The following B3GALNT2 variants were observed in gnomAD, a reference collection of about 807,000 sequenced individuals.
B3GALNT2 encodes beta-1,3-N-acetylgalactosaminyltransferase 2.
B3GALNT2 carries 53 observed loss-of-function variants against 61.1 expected under a neutral mutation model. The observed-to-expected ratio is 0.87, with a 90% CI of 0.70 to 1.09. B3GALNT2 has a LOEUF of 1.09. Ranked by LOEUF, B3GALNT2 falls within the 50% of genes least tolerant of loss-of-function variation. The pLI, the probability that B3GALNT2 is intolerant of heterozygous loss-of-function variation, is 0.00. For missense variants in B3GALNT2, 544 were observed against 623.0 expected (o/e 0.87, Z 1.35); for synonymous variants, 223 against 237.4 (o/e 0.94, Z 0.56).
chr1:235,489,180 T>A lies in B3GALNT2; in HGVS notation c.349A>T (p.Ile117Phe), dbSNP rs1293764635. 1.2e-6 allele frequency: 2 copies of A among 1,613,662 alleles called. No homozygotes were observed. The highest frequency in any genetic ancestry group is 1.3e-5 in the African/African-American group (1 of 74,930). ...AAAGATGACTTACCTGGATTTGTGA[T>A]GTTGAGTAGTTTACAGGAATAAGGA... ...EDPYSCKLLNITNPVLNQEIE... is the reference protein window; with the variant it reads ...EDPYSCKLLNFTNPVLNQEIE... Residue 117 changes from isoleucine (I) to phenylalanine (F), a missense_variant, in exon 3 of 12, where the codon ATC (isoleucine) becomes TTC (phenylalanine). Physicochemically the swap from Ile to Phe is conservative, Grantham distance 21. Transcript: ENST00000366600.
At chr1:235,446,988 G>C (rs1682382233), downstream of B3GALNT2, among the ~76,000 whole-genome samples, 1 of 152,076 alleles carries the variant, frequency 6.6e-6, no homozygotes. Context: ...TATTAGAACT[G>C]TTTTATGACC....
intron 1 of B3GALNT2, among the ~76,000 whole-genome samples, chr1:235,495,895 T>C (rs1279496497): frequency 1.1e-4 from 16 of 152,210 alleles, no homozygotes; most frequent in Admixed American, 1.0e-3. Context: ...CAGGTTGATA[T>C]TTTCTTCAAA....
intron 3 of B3GALNT2, among the ~76,000 whole-genome samples, chr1:235,487,301 A>G (rs1351412542): frequency 6.6e-6 from 1 of 152,210 alleles, no homozygotes; most frequent in African/African-American, 2.4e-5. Context: ...TGTAATACAG[A>G]CCTGAATATA....
chr1:235,498,128 A>G (rs1383935446), intron 1 of B3GALNT2, among the ~76,000 whole-genome samples: 1 of 152,224 alleles, frequency 6.6e-6, no homozygotes, highest in Non-Finnish European at 1.5e-5. Flanking sequence ...AATTAGTCCA[A>G]TAGACTCCTG....
At chr1:235,461,805 T>C (rs1288194810) in intron 7 of B3GALNT2, among the ~76,000 whole-genome samples, 1 of 152,122 alleles carries the variant, frequency 6.6e-6, no homozygotes, top group Non-Finnish European at 1.5e-5. Context: ...ATTGAGCTAC[T>C]GCACCTGGCC....
At position 235,484,318 on chromosome 1, in the gene B3GALNT2, A is replaced by G. The variant is rs1343215512; in HGVS notation, c.555+4T>C. 6.2e-7 allele frequency: 1 copy of G among 1,613,146 alleles called. No homozygotes were observed. Among genetic ancestry groups the G allele is most frequent in the East Asian group, 2.2e-5 (1 of 44,874 alleles). On this transcript the variant is annotated splice_donor_region_variant and intron_variant, in intron 4 of 11. Transcript: ENST00000366600. ...AGAAAAAACCTGTACAGAGCAGTGC[A>G]TACCTCTTGTTCTGCCTGATAAAGT...
At chr1:235,456,835 C>T (rs1387229041) in intron 8 of B3GALNT2, among the ~76,000 whole-genome samples, 3 of 152,112 alleles carry the variant, frequency 2.0e-5, no homozygotes, top group African/African-American at 7.2e-5. Context: ...GACTTCCATG[C>T]CCATTCCTCA....
At chr1:235,470,365 C>A (rs551245681) in intron 6 of B3GALNT2, among the ~76,000 whole-genome samples, 1 of 151,852 alleles carries the variant, frequency 6.6e-6, no homozygotes, top group African/African-American at 2.4e-5. Context: ...CGTAGGTGGG[C>A]GGATCACTTG....
In B3GALNT2 at chr1:235,450,181, TAG is replaced by T. The variant is rs1199667193; in HGVS notation, c.*23_*24del. Reference sequence around the variant, plus strand: ...GATTATCGTTTGCCTGCCCTGATTTTAGACTCTGCTAATTCAAGTCCCTGTTA... The same window carrying T: ...GATTATCGTTTGCCTGCCCTGATTTTACTCTGCTAATTCAAGTCCCTGTTA... On this transcript the variant is annotated 3_prime_UTR_variant, in exon 12 of 12. Transcript: ENST00000366600. 31 of 1,613,764 alleles carry T rather than the reference TAG, an allele frequency of 1.9e-5. No homozygotes were observed. The highest frequency in any genetic ancestry group is 2.5e-5 in the Non-Finnish European group (30 of 1,179,800).
chr1:235,474,987 A>ATATATATTTTTTT (rs1180244284), intron 5 of B3GALNT2, among the ~76,000 whole-genome samples: 2 of 35,572 alleles, frequency 5.6e-5, no homozygotes, highest in African/African-American at 1.1e-4. Flanking sequence ...ATATATATAT[A>ATATATATTTTTTT]TTTTTTTTTT....
In B3GALNT2 at chr1:235,449,294, A is replaced by ATT. The variant is rs1398422066; in HGVS notation, c.*910_*911dup. The ATT allele has an allele frequency of 6.1e-6, 1 of 164,470 alleles. No individual in the cohort carries two copies. Among genetic ancestry groups the ATT allele is most frequent in the Non-Finnish European group, 1.3e-5 (1 of 75,348 alleles). 10.2% of individuals were successfully genotyped at this position (164,470 alleles called of 1,614,324 possible). On this transcript the variant is annotated 3_prime_UTR_variant, in exon 12 of 12. Coordinates refer to ENST00000366600, the MANE Select transcript of B3GALNT2 (RefSeq NM_152490.5). ...AATTAATCACATGCTTTTCCCTACA[A>ATT]TTATACCTAAGCTGAGTATATCTTC... is the stretch of plus-strand genomic sequence containing the variant.
At chr1:235,486,241 G>A (rs1334358696) in intron 3 of B3GALNT2, among the ~76,000 whole-genome samples, 1 of 152,062 alleles carries the variant, frequency 6.6e-6, no homozygotes, top group African/African-American at 2.4e-5. Flanking sequence ...ACATGAACAG[G>A]AGGGAAAAAA....
intron 5 of B3GALNT2, 164 bp downstream of exon 5, chr1:235,479,890 A>T: frequency 3.2e-6 from 4 of 1,249,098 alleles, no homozygotes; most frequent in Non-Finnish European, 4.2e-6. Flanking sequence ...GGAGGTTTGA[A>T]TACAGAGTGC....
At chr1:235,481,949 A>T (rs949612243) in intron 4 of B3GALNT2, among the ~76,000 whole-genome samples, 1 of 152,214 alleles carries the variant, frequency 6.6e-6, no homozygotes, top group African/African-American at 2.4e-5. Flanking sequence ...GAGGAAGAAC[A>T]GGGCAAATTC....
chr1:235,489,417 G>T, intron 2 of B3GALNT2, 149 bp from the exon 3 acceptor site: 1 of 1,312,286 alleles, frequency 7.6e-7, no homozygotes, highest in Non-Finnish European at 1.0e-6. Flanking sequence ...AGACAAAATG[G>T]GGGAACAAGT....
At chr1:235,474,985 ATATTTTT>A (rs1169590087) in intron 5 of B3GALNT2, among the ~76,000 whole-genome samples, 44 of 37,740 alleles carry the variant, frequency 1.2e-3, no homozygotes, top group African/African-American at 4.9e-3. Context: ...ATATATATAT[ATATTTTT>A]TTTTTTTTTT....
intron 4 of B3GALNT2, among the ~76,000 whole-genome samples, chr1:235,482,714 C>G (rs2102840317): frequency 6.6e-6 from 1 of 152,178 alleles, no homozygotes; most frequent in Non-Finnish European, 1.5e-5. Context: ...GTAGTCCCAG[C>G]TACTCAAGAG....
chr1:235,495,270 G>A (rs1411559637), intron 1 of B3GALNT2, among the ~76,000 whole-genome samples: 2 of 152,124 alleles, frequency 1.3e-5, no homozygotes, highest in Non-Finnish European at 2.9e-5. Flanking sequence ...TCATAAAGCT[G>A]TTGTAAAAAT....
At chr1:235,463,566 C>CTTTTTTT (rs34433888) in intron 7 of B3GALNT2, 7 of 106,506 alleles carry the variant, frequency 6.6e-5, no homozygotes, top group South Asian at 3.2e-4. Context: ...TTCCTAATTT[C>CTTTTTTT]TTTTTTTTTT....
Sources: allele counts gnomAD v4.1 joint callset (sites outside exome capture counted in the v4.1 genomes callset), GRCh38; gene constraint gnomAD v4.1.1; transcripts MANE v1.5; gene names NCBI Gene and HGNC (gene_info 2026-07-23, HGNC 2026-07-21).